The following SMYD3 variants were observed in gnomAD, a reference collection of about 807,000 sequenced individuals.
The protein encoded by SMYD3 is SET and MYND domain containing 3.
A neutral mutation model predicts 57.7 loss-of-function variants in SMYD3; 36 were observed. The ratio of observed to expected loss-of-function variants is 0.62; its 90% CI spans 0.48 to 0.82. SMYD3 has a LOEUF of 0.82. Among genes scored for constraint, SMYD3 ranks in the 40% least tolerant of loss-of-function variants. SMYD3 has a pLI of 0.00. For missense variants in SMYD3, 515 were observed against 538.8 expected (o/e 0.96, Z 0.44); for synonymous variants, 211 against 195.0 (o/e 1.08, Z -0.68).
intron 5 of SMYD3, among the ~76,000 whole-genome samples, chr1:245,989,987 T>A (rs144101434): frequency 6.6e-6 from 1 of 152,334 alleles, no homozygotes; most frequent in African/African-American, 2.4e-5. Context: ...ACTGTAAATT[T>A]AATATCATCC....
intron 1 of SMYD3, among the ~76,000 whole-genome samples, chr1:246,415,967 A>C (rs2067054657): frequency 6.6e-6 from 1 of 152,196 alleles, no homozygotes; most frequent in Admixed American, 6.6e-5. Context: ...ACGTAAGTAC[A>C]CTAGACTGGA....
At chr1:245,878,692 G>A (rs2052618082) in intron 8 of SMYD3, among the ~76,000 whole-genome samples, 1 of 152,200 alleles carries the variant, frequency 6.6e-6, no homozygotes, top group Admixed American at 6.5e-5. Flanking sequence ...AGGAAGCCCA[G>A]CTGAGGGAAG....
intron 5 of SMYD3, among the ~76,000 whole-genome samples, chr1:246,014,668 C>T (rs2059345682): frequency 6.6e-6 from 1 of 152,100 alleles, no homozygotes; most frequent in South Asian, 2.1e-4. Context: ...GACTTTTGGA[C>T]TTGTAGATAA....
chr1:246,433,088 A>G (rs1179801006), intron 1 of SMYD3, among the ~76,000 whole-genome samples: 5 of 152,236 alleles, frequency 3.3e-5, no homozygotes, highest in African/African-American at 4.8e-5. Flanking sequence ...CTCTGCCAAA[A>G]GACTCCTGGA....
At chr1:246,212,675 A>C (rs2063108945) in intron 5 of SMYD3, among the ~76,000 whole-genome samples, 1 of 152,108 alleles carries the variant, frequency 6.6e-6, no homozygotes, top group African/African-American at 2.4e-5. Flanking sequence ...TTCAACCCTC[A>C]CTGGTATCAA....
At chr1:245,810,152 A>G (rs753689737) in intron 10 of SMYD3, among the ~76,000 whole-genome samples, 22 of 152,192 alleles carry the variant, frequency 1.4e-4, no homozygotes, top group Non-Finnish European at 2.9e-4. Flanking sequence ...AGTCTACCAC[A>G]AGGCAGCAGA....
chr1:246,236,559 GGCC>G (rs2063515183), intron 5 of SMYD3, among the ~76,000 whole-genome samples: 1 of 152,110 alleles, frequency 6.6e-6, no homozygotes, highest in Non-Finnish European at 1.5e-5. Flanking sequence ...GGACTACAGA[GGCC>G]TGCCACCACG....
intron 5 of SMYD3, among the ~76,000 whole-genome samples, chr1:245,993,089 G>A (rs2058841381): frequency 6.6e-6 from 1 of 152,232 alleles, no homozygotes; most frequent in Non-Finnish European, 1.5e-5. Context: ...TAGAAGGGCT[G>A]CTGCTTCTGC....
chr1:246,026,560 AC>A (rs1161728863), intron 5 of SMYD3, among the ~76,000 whole-genome samples: 1 of 152,132 alleles, frequency 6.6e-6, no homozygotes, highest in Non-Finnish European at 1.5e-5. Flanking sequence ...AATAATTCAA[AC>A]TTTTTCACTG....
intron 1 of SMYD3, among the ~76,000 whole-genome samples, chr1:246,416,855 T>A (rs1169142606): frequency 6.6e-6 from 1 of 152,038 alleles, no homozygotes; most frequent in Non-Finnish European, 1.5e-5. Flanking sequence ...AATTTCCTTA[T>A]CAGACTAAGG....
chr1:245,755,758 T>C (rs1326170783), intron 11 of SMYD3, among the ~76,000 whole-genome samples: 1 of 152,180 alleles, frequency 6.6e-6, no homozygotes, highest in Non-Finnish European at 1.5e-5. Context: ...ATCATTTTGC[T>C]TTCAACCTAT....
At chr1:246,022,613 A>G (rs374279919) in intron 5 of SMYD3, among the ~76,000 whole-genome samples, 121 of 152,384 alleles carry the variant, frequency 7.9e-4, no homozygotes, top group African/African-American at 2.8e-3. Flanking sequence ...CATTTTAAAA[A>G]GATAGGGCTG....
rs570484133 is a variant in SMYD3 at position 245,753,080 on chromosome 1, C to T, written c.1186-3416G>A. Among the ~76,000 whole-genome samples, 17 of 152,266 alleles carry T rather than the reference C, an allele frequency of 1.1e-4. No homozygotes were observed. In the South Asian group the frequency reaches 3.1e-3, roughly 28 times the overall value. ...GATGCTGCTGGTCATGTTCTGTGTT[C>T]TCTTACTTGATGCTGAATGCATCAC... is the stretch of plus-strand genomic sequence containing the variant. On this transcript the variant is annotated intron_variant, in intron 11 of 11. Coordinates refer to ENST00000490107, the MANE Select transcript of SMYD3 (RefSeq NM_001167740.2).
intron 1 of SMYD3, among the ~76,000 whole-genome samples, chr1:246,496,043 T>C (rs1389527349): frequency 6.6e-6 from 1 of 151,966 alleles, no homozygotes; most frequent in Non-Finnish European, 1.5e-5. Flanking sequence ...GTTGTTGTTG[T>C]TGTTATTGTT....
intron 5 of SMYD3, chr1:246,322,572 C>T (rs2065268068): frequency 6.6e-6 from 1 of 152,174 alleles, no homozygotes; most frequent in Admixed American, 6.5e-5. Context: ...ATCACATCTC[C>T]TGTGTTCATC....
At chr1:246,172,638 C>T (rs1044809136) in intron 5 of SMYD3, among the ~76,000 whole-genome samples, 2 of 149,178 alleles carry the variant, frequency 1.3e-5, no homozygotes, top group African/African-American at 5.0e-5. Context: ...GCCTAGAACA[C>T]TCACTGTACT....
intron 5 of SMYD3, among the ~76,000 whole-genome samples, chr1:246,196,929 G>A (rs535169638): frequency 1.3e-5 from 2 of 151,002 alleles, no homozygotes; most frequent in Non-Finnish European, 2.9e-5. Flanking sequence ...TCTAGGATAT[G>A]AGCAGGAAAC....
At chr1:246,284,628 A>G (rs907589595) in intron 5 of SMYD3, among the ~76,000 whole-genome samples, 23 of 151,256 alleles carry the variant, frequency 1.5e-4, no homozygotes, top group African/African-American at 4.1e-4. Flanking sequence ...ATGTTAGCCA[A>G]GATGGTCTCG....
chr1:246,390,007 G>C (rs2066532656), intron 1 of SMYD3, among the ~76,000 whole-genome samples: 1 of 152,038 alleles, frequency 6.6e-6, no homozygotes, highest in Non-Finnish European at 1.5e-5. Context: ...CTGCGGGATG[G>C]GGGGCAAAAC....
Sources: allele counts gnomAD v4.1 joint callset (sites outside exome capture counted in the v4.1 genomes callset), GRCh38; gene constraint gnomAD v4.1.1; transcripts MANE v1.5; gene names NCBI Gene and HGNC (gene_info 2026-07-23, HGNC 2026-07-21).